The following TTN variants were observed in gnomAD, a reference collection of about 807,000 sequenced individuals.
TTN encodes the protein titin.
TTN carries 1,525 observed loss-of-function variants against 3,223.0 expected under a neutral mutation model. That is an observed-to-expected ratio of 0.47 (90% CI 0.45 to 0.49). TTN has a LOEUF of 0.49. Among genes scored for constraint, TTN ranks in the 20% least tolerant of loss-of-function variants. The pLI, the probability that TTN is intolerant of heterozygous loss-of-function variation, is 0.00. For missense variants in TTN, 40,786 were observed against 43,424.0 expected, an observed-to-expected ratio of 0.94 and a Z score of 5.40; for synonymous variants, 14,094 against 15,161.0, an observed-to-expected ratio of 0.93 and a Z score of 5.17.
Position 178,620,486 on chromosome 2 carries a change from G to T in TTN, c.46035C>A (p.Asn15345Lys). 2 of 1,612,388 alleles carry T rather than the reference G, an allele frequency of 1.2e-6. No individual in the cohort carries two copies. Among genetic ancestry groups the T allele is most frequent in the Non-Finnish European group, 1.7e-6 (2 of 1,178,974 alleles). The change falls in exon 248 of 363, where the codon AAC becomes AAA. Residue 15345 changes from asparagine (N) to lysine (K), a missense_variant. By Grantham distance (94) the Asn-to-Lys change is moderately conservative. Transcript: ENST00000589042. ...TKNGEEVPFD[N>K]RVSYRVDKYK... ...ACTTATCAACTCTGTATGAGACACG[G>T]TTGTCAAAAGGCACTTCTTCACCAT...
At chr2:178,545,308 C>T in intron 344 of TTN, 80 bp downstream of exon 344, 1 of 1,349,504 alleles carries the variant, frequency 7.4e-7, no homozygotes, top group African/African-American at 1.5e-5. Context: ...TCTAAAAATT[C>T]TTAGAGATTG....
rs886055276 is a variant in TTN at position 178,625,302 on chromosome 2, A to G, written c.44519T>C (p.Phe14840Ser). The change falls in exon 241 of 363, where the codon TTC (phenylalanine) becomes TCC (serine). Residue 14840 changes from phenylalanine to serine, a missense_variant. Transcript: ENST00000589042. Reference protein sequence around the residue: ...AGEVQLTAKDFKTHANLFVKE... With the variant: ...AGEVQLTAKDSKTHANLFVKE... Reference sequence around the variant, plus strand: ...CACAAAGAGGTTGGCGTGAGTTTTGAAATCTTTTGCTGTTAGTTGGACTTC... The same window carrying G: ...CACAAAGAGGTTGGCGTGAGTTTTGGAATCTTTTGCTGTTAGTTGGACTTC... The G allele has an allele frequency of 6.2e-7, 1 of 1,608,018 alleles. No homozygotes were observed. Among genetic ancestry groups the G allele is most frequent in the East Asian group, 2.2e-5 (1 of 44,500 alleles).
chr2:178,727,750 C>G lies in TTN; in HGVS notation c.19828G>C (p.Asp6610His). Residue 6610 changes from aspartate (D) to histidine (H), a missense_variant, in exon 68 of 363, where the codon GAT becomes CAT. Physicochemically the swap from Asp to His is moderately conservative, Grantham distance 81. Transcript: ENST00000589042. ...TPPFKIKWFKDDVELVSGPKC... is the reference protein window; with the variant it reads ...TPPFKIKWFKHDVELVSGPKC... ...GGACCTGAGACAAGTTCCACATCAT[C>G]CTTAAACCATTTTATTTTAAATGGT... is the stretch of plus-strand genomic sequence containing the variant. 2 of 1,613,318 alleles carry G rather than the reference C, an allele frequency of 1.2e-6. No homozygotes were observed. Among genetic ancestry groups the G allele is most frequent in the South Asian group, 2.2e-5 (2 of 91,050 alleles).
intron 135 of TTN, 52 bp downstream of exon 135, chr2:178,682,641 CTTGT>C (rs1395586321): frequency 2.1e-6 from 3 of 1,428,984 alleles, no homozygotes; most frequent in African/African-American, 1.5e-5. Context: ...CTTGTTTTAT[CTTGT>C]TTGAGTGTGC....
chr2:178,753,911 C>T (rs1363055130), intron 46 of TTN: 1 of 152,054 alleles, frequency 6.6e-6, no homozygotes, highest in Non-Finnish European at 1.5e-5. Flanking sequence ...CTTTTTACTT[C>T]ACGGGTTGTT....
rs746547418 is a variant in TTN, at chr2:178,565,253, G to C, written c.80879C>G (p.Thr26960Arg). ...GATAACACTGAGATTTTCTGTTGCT[G>C]TGCCTGCACTATTTGTTGCCGTTAC... ...YTVTATNSAG[T>R]ATENLSVIVL... The change falls in exon 326 of 363, where the codon ACA (threonine) becomes AGA (arginine). Residue 26960 changes from threonine to arginine, a missense_variant. By Grantham distance (71) the Thr-to-Arg change is moderately conservative. Coordinates refer to ENST00000589042, the MANE Select transcript of TTN (RefSeq NM_001267550.2). 6.2e-7 allele frequency: 1 copy of C among 1,613,630 alleles called. No homozygotes were observed. The highest frequency in any genetic ancestry group is 1.1e-5 in the South Asian group (1 of 91,076).
At position 178,591,674 on chromosome 2, in the gene TTN, G is replaced by A. The variant is rs748606401; in HGVS notation, c.60145C>T (p.Arg20049Cys). 1.9e-5 allele frequency: 30 copies of A among 1,613,206 alleles called. No homozygotes were observed. The South Asian group carries it at 2.3e-4, about 12-fold the overall frequency. ...CCCACAATGTTTTCAGCTTTTACAC[G>A]GAATCTATAGGTCTTTCCTTGTTGT... ...GLQQGKTYRF[R>C]VKAENIVGLG... The change falls in exon 303 of 363, where the codon CGT (arginine) becomes TGT (cysteine). Residue 20049 changes from arginine (R) to cysteine (C), a missense_variant. Physicochemically the swap from Arg to Cys is radical, Grantham distance 180. Transcript: ENST00000589042.
intron 47 of TTN, chr2:178,750,400 T>C (rs2085111870): frequency 6.2e-7 from 1 of 1,612,442 alleles, no homozygotes; most frequent in South Asian, 1.1e-5. Context: ...AAAGAGTTAA[T>C]ATTGAATAGT....
rs371539720 is a variant in TTN, at chr2:178,559,478, C to T, written c.86654G>A (p.Arg28885His). 55 of 1,613,594 alleles carry T rather than the reference C, an allele frequency of 3.4e-5. No homozygotes were observed. The highest frequency in any genetic ancestry group is 3.5e-5 in the Non-Finnish European group (41 of 1,179,732). ...GACCCATGCTTTCTTGCTGGCCTCACGTTTTTCTATGTGGTAATTCTTCAC... is the reference window on the plus strand; with the variant it reads ...GACCCATGCTTTCTTGCTGGCCTCATGTTTTTCTATGTGGTAATTCTTCAC... ...APVKNYHIEKREASKKAWVSV... is the reference protein window; with the variant it reads ...APVKNYHIEKHEASKKAWVSV... The change falls in exon 326 of 363, where the codon CGT becomes CAT. Residue 28885 changes from arginine to histidine, a missense_variant. Transcript: ENST00000589042.
rs1203061089 is a variant in TTN, at chr2:178,530,883, T to G, written c.105732A>C (p.Pro35244=). ...VKSPEPRVKS[P]EAVKSPKRVK... ...CTCGTTTTGGAGACTTAACTGCTTCTGGGGATTTCACCCGAGGCTCTGGGG... is the reference window on the plus strand; with the variant it reads ...CTCGTTTTGGAGACTTAACTGCTTCGGGGGATTTCACCCGAGGCTCTGGGG... Residue 35244 remains proline (P), a synonymous_variant, in exon 358 of 363, where the codon CCA becomes CCC. Coordinates refer to ENST00000589042, the MANE Select transcript of TTN (RefSeq NM_001267550.2). 10 of 1,613,934 alleles carry G rather than the reference T, an allele frequency of 6.2e-6. No homozygotes were observed. Among genetic ancestry groups the G allele is most frequent in the African/African-American group, 2.7e-5 (2 of 75,010 alleles).
At chr2:178,601,813 C>T in intron 285 of TTN, 26 bp from the exon 286 acceptor site, 2 of 1,603,176 alleles carry the variant, frequency 1.2e-6, no homozygotes, top group Non-Finnish European at 1.7e-6. Context: ...AGTAGTCATA[C>T]ATTGAATGAA....
chr2:178,687,318 A>ATTTTTT (rs2071186271), intron 127 of TTN, among the ~76,000 whole-genome samples: 1 of 152,116 alleles, frequency 6.6e-6, no homozygotes, highest in Non-Finnish European at 1.5e-5. Flanking sequence ...AGAATGCTGG[A>ATTTTTT]TTTTAGTTGG....
chr2:178,646,323 A>G (rs1000262712), intron 216 of TTN, among the ~76,000 whole-genome samples, 162 bp downstream of exon 216: 7 of 151,440 alleles, frequency 4.6e-5, no homozygotes, highest in Non-Finnish European at 8.8e-5. Flanking sequence ...GAGAAACAGT[A>G]CAAGTTACAT....
chr2:178,641,170 C>T, intron 220 of TTN, 71 bp downstream of exon 220: 2 of 1,050,778 alleles, frequency 1.9e-6, no homozygotes, highest in Non-Finnish European at 2.8e-6. Context: ...TTTATGTTTA[C>T]AAGATAAACC....
intron 33 of TTN, among the ~76,000 whole-genome samples, chr2:178,772,556 C>T (rs1322111910): frequency 6.6e-6 from 1 of 152,090 alleles, no homozygotes; most frequent in African/African-American, 2.4e-5. Flanking sequence ...TTACATTAAG[C>T]TGTATTTTGA....
At chr2:178,528,472 G>A in intron 360 of TTN, 45 bp from the exon 361 acceptor site, 1 of 1,603,010 alleles carries the variant, frequency 6.2e-7, no homozygotes, top group Non-Finnish European at 8.5e-7. Context: ...TTCTTCAGAT[G>A]TGGAAGACAT....
intron 56 of TTN, 23 bp downstream of exon 56, chr2:178,732,417 G>A: frequency 6.3e-7 from 1 of 1,587,884 alleles, no homozygotes; most frequent in Non-Finnish European, 8.6e-7. Context: ...TTAGCACAAA[G>A]ATGTCAAGAA....
chr2:178,737,709 T>C (rs1450773266), intron 49 of TTN, among the ~76,000 whole-genome samples: 1 of 152,216 alleles, frequency 6.6e-6, no homozygotes, highest in African/African-American at 2.4e-5. Context: ...CACTGACTTT[T>C]TTAAGTTTGT....
Position 178,593,652 on chromosome 2 carries a change from A to C in TTN, c.58648T>G (p.Tyr19550Asp). The C allele has an allele frequency of 6.2e-7, 1 of 1,613,116 alleles. No individual in the cohort carries two copies. Among genetic ancestry groups the C allele is most frequent in the South Asian group, 1.1e-5 (1 of 91,052 alleles). Reference protein sequence around the residue: ...KVSKLLEGKDYIFRIHAENLY... With the variant: ...KVSKLLEGKDDIFRIHAENLY... ...TTTTCAGCATGTATCCGGAAAATAT[A>C]ATCTTTTCCTTCAAGTAGTTTAGAA... The change falls in exon 298 of 363, where the codon TAT becomes GAT. Residue 19550 changes from tyrosine to aspartate, a missense_variant. Tyr to Asp is a radical substitution (Grantham distance 160). Transcript: ENST00000589042.
Sources: gnomAD v4.1 joint callset for allele counts (sites outside exome capture counted in the v4.1 genomes callset) on GRCh38, gnomAD v4.1.1 for gene constraint, MANE v1.5 for transcripts, NCBI Gene and HGNC (gene_info 2026-07-23, HGNC 2026-07-21) for gene names.